The following SH3RF3 variants were observed in gnomAD, a reference collection of about 807,000 sequenced individuals.
The protein encoded by SH3RF3 is SH3 domain containing ring finger 3.
SH3RF3 carries 29 observed loss-of-function variants against 66.3 expected under a neutral mutation model. That is an observed-to-expected ratio of 0.44 (90% CI 0.33 to 0.60). The LOEUF (loss-of-function observed/expected upper bound fraction) is 0.60. SH3RF3 is among the 20% of genes least tolerant of loss of function. SH3RF3 has a pLI of 0.04. For synonymous variants in SH3RF3, 583 were observed against 532.0 expected (o/e 1.10, Z -1.32); for missense variants, 1,194 against 1,190.9 (o/e 1.00, Z -0.04).
At chr2:109,427,185 T>C (rs937998643) in intron 5 of SH3RF3, among the ~76,000 whole-genome samples, 2 of 152,218 alleles carry the variant, frequency 1.3e-5, no homozygotes, top group African/African-American at 4.8e-5. Context: ...TCCCAGCTGG[T>C]CTCAAACTCC....
At position 109,412,204 on chromosome 2, in the gene SH3RF3, C is replaced by T. The variant is rs1257451803; in HGVS notation, c.1300-7335C>T. Among the ~76,000 whole-genome samples the T allele has an allele frequency of 2.6e-5, 4 of 152,286 alleles. No individual in the cohort carries two copies. The East Asian group carries it at 7.7e-4, about 29-fold the overall frequency. On this transcript the variant is annotated intron_variant, in intron 4 of 9. Coordinates refer to ENST00000309415, the MANE Select transcript of SH3RF3 (RefSeq NM_001099289.3). ...GCACAGTGTGCACTCTCAGCCTAGCCTTCAGCCTCTGCCCAGCAGACAAAA... is the reference window on the plus strand; with the variant it reads ...GCACAGTGTGCACTCTCAGCCTAGCTTTCAGCCTCTGCCCAGCAGACAAAA...
intron 7 of SH3RF3, 76 bp from the exon 8 acceptor site, chr2:109,449,094 C>A: frequency 6.7e-7 from 1 of 1,499,898 alleles, no homozygotes; most frequent in South Asian, 1.3e-5. Context: ...CCTGAGTGTG[C>A]ATTGCAGCTG....
intron 1 of SH3RF3, among the ~76,000 whole-genome samples, chr2:109,182,921 A>C (rs1678103168): frequency 6.6e-6 from 1 of 152,178 alleles, no homozygotes; most frequent in African/African-American, 2.4e-5. Flanking sequence ...AAATAACTTA[A>C]ACGTTTCCCA....
intron 8 of SH3RF3, among the ~76,000 whole-genome samples, chr2:109,489,818 A>G (rs796468370): frequency 2.6e-5 from 4 of 152,012 alleles, no homozygotes; most frequent in African/African-American, 9.6e-5. Context: ...GCTCACTGCA[A>G]CCTCCACCTC....
chr2:109,497,614 G>A (rs1374126466), intron 9 of SH3RF3, among the ~76,000 whole-genome samples: 2 of 152,182 alleles, frequency 1.3e-5, no homozygotes, highest in South Asian at 2.1e-4. Context: ...ACACGGACAC[G>A]ACAACGGCGC....
intron 2 of SH3RF3, 39 bp from the exon 3 acceptor site, chr2:109,371,547 G>T: frequency 6.4e-7 from 1 of 1,560,922 alleles, no homozygotes; most frequent in Non-Finnish European, 8.8e-7. Flanking sequence ...TTGTGTGTGT[G>T]TCCGTATGCT....
intron 3 of SH3RF3, among the ~76,000 whole-genome samples, chr2:109,385,900 CT>C (rs1675810624): frequency 6.6e-6 from 1 of 151,416 alleles, no homozygotes; most frequent in Admixed American, 6.6e-5. Context: ...TGAAACTCTG[CT>C]CTTCTTCATA....
chr2:109,361,304 G>C (rs1683046748), intron 2 of SH3RF3, among the ~76,000 whole-genome samples: 1 of 152,152 alleles, frequency 6.6e-6, no homozygotes, highest in Non-Finnish European at 1.5e-5. Context: ...GGCTTTGTCT[G>C]CTTTGGTATT....
At chr2:109,196,085 C>G (rs1369231687) in intron 1 of SH3RF3, among the ~76,000 whole-genome samples, 1 of 152,244 alleles carries the variant, frequency 6.6e-6, no homozygotes, top group Non-Finnish European at 1.5e-5. Context: ...CGCAGACCAC[C>G]TGGCTCTAAG....
intron 1 of SH3RF3, among the ~76,000 whole-genome samples, chr2:109,213,012 C>T (rs1032964111): frequency 1.1e-4 from 16 of 152,162 alleles, no homozygotes; most frequent in South Asian, 2.1e-4. Context: ...GTGCAGGTGT[C>T]GGCAGCAGGG....
intron 1 of SH3RF3, among the ~76,000 whole-genome samples, chr2:109,322,009 A>T (rs1159983756): frequency 2.0e-5 from 3 of 152,150 alleles, no homozygotes; most frequent in African/African-American, 7.2e-5. Flanking sequence ...ACATTTCAAG[A>T]AGTGGATGGC....
intron 1 of SH3RF3, among the ~76,000 whole-genome samples, chr2:109,189,464 G>T (rs1055234864): frequency 6.6e-6 from 1 of 151,790 alleles, no homozygotes; most frequent in South Asian, 2.1e-4. Context: ...TGCCTCCTGG[G>T]TTCAAGCAAT....
At chr2:109,454,835 G>A (rs1361802054) in intron 8 of SH3RF3, among the ~76,000 whole-genome samples, 1 of 151,994 alleles carries the variant, frequency 6.6e-6, no homozygotes, top group Non-Finnish European at 1.5e-5. Flanking sequence ...AAGGCACCTG[G>A]TGATGATTGT....
intron 2 of SH3RF3, among the ~76,000 whole-genome samples, chr2:109,359,707 C>G (rs528809723): frequency 6.6e-6 from 1 of 152,274 alleles, no homozygotes; most frequent in East Asian, 1.9e-4. Flanking sequence ...GAATATTCCA[C>G]ACCTGACCTT....
intron 2 of SH3RF3, among the ~76,000 whole-genome samples, chr2:109,349,278 A>C (rs1030462729): frequency 2.6e-5 from 4 of 152,208 alleles, no homozygotes; most frequent in Non-Finnish European, 5.9e-5. Flanking sequence ...GTTCAGCCTG[A>C]CAATGAATAA....
chr2:109,349,879 C>A (rs1476452862), intron 2 of SH3RF3, among the ~76,000 whole-genome samples: 2 of 152,238 alleles, frequency 1.3e-5, no homozygotes, highest in African/African-American at 4.8e-5. Context: ...CTAGAGCCCA[C>A]TGGACAAGAG....
At chr2:109,451,912 G>A (rs889002074) in intron 8 of SH3RF3, among the ~76,000 whole-genome samples, 2 of 152,262 alleles carry the variant, frequency 1.3e-5, no homozygotes, top group Non-Finnish European at 2.9e-5. Flanking sequence ...ACTCCAGGCA[G>A]GAGGGGAAGT....
At chr2:109,145,616 A>G (rs539520242) in intron 1 of SH3RF3, among the ~76,000 whole-genome samples, 5 of 152,298 alleles carry the variant, frequency 3.3e-5, no homozygotes, top group African/African-American at 9.6e-5. Context: ...TGGCACTGCT[A>G]TCGCCATGCG....
intron 8 of SH3RF3, among the ~76,000 whole-genome samples, chr2:109,486,485 T>C (rs1678980497): frequency 6.6e-6 from 1 of 152,226 alleles, no homozygotes; most frequent in East Asian, 1.9e-4. Context: ...TCGTAAACTA[T>C]TTAATATTCA....
Sources: gnomAD v4.1 joint callset for allele counts (sites outside exome capture counted in the v4.1 genomes callset) on GRCh38, gnomAD v4.1.1 for gene constraint, MANE v1.5 for transcripts, NCBI Gene and HGNC (gene_info 2026-07-23, HGNC 2026-07-21) for gene names.